Variants in ATG2B observed in about 807,000 individuals in gnomAD.
The protein encoded by ATG2B is autophagy related 2B, also known as autophagy-related protein 2 homolog B.
ATG2B carries 121 observed loss-of-function variants against 241.3 expected under a neutral mutation model. The observed-to-expected ratio is 0.50, with a 90% confidence interval of 0.43 to 0.58. ATG2B has a LOEUF of 0.58. ATG2B is among the 20% of genes least tolerant of loss of function. The pLI, the probability that ATG2B is intolerant of heterozygous loss-of-function variation, is 0.00. For synonymous variants in ATG2B, 858 were observed against 876.6 expected (o/e 0.98, Z 0.37); for missense variants, 2,306 against 2,491.6 (o/e 0.93, Z 1.59).
Position 96,289,479 on chromosome 14 carries a change from C to G in ATG2B, c.6006+177G>C, listed in dbSNP as rs1184953230. The G allele has an allele frequency of 1.5e-6, 1 of 688,766 alleles. No homozygotes were observed. The highest frequency in any genetic ancestry group is 2.4e-6 in the Non-Finnish European group (1 of 413,256). The allele number at this position is 688,766 out of a possible 1,614,324, so 42.7% of individuals were successfully genotyped here. A position where few individuals can be genotyped will look rare whatever the true frequency, so the allele number is the denominator to read the frequency against. ...TAGTATTCCTGTCAGCCTATTGGTC[C>G]CAGACTGGCCCTTTTCCATCACCTC... On this transcript the variant is annotated intron_variant, in intron 41 of 41. Coordinates refer to ENST00000359933, the MANE Select transcript of ATG2B (RefSeq NM_018036.7). This position sits in a 1 kb window ranked among gnomAD's most constrained non-coding sequence, Gnocchi z 4.3.
At chr14:96,301,849 C>A (rs1159761517) in intron 34 of ATG2B, among the ~76,000 whole-genome samples, 158 bp downstream of exon 34, 1 of 152,136 alleles carries the variant, frequency 6.6e-6, no homozygotes, top group Non-Finnish European at 1.5e-5. Context: ...AGTTCAGATT[C>A]CAAACATCTA....
chr14:96,325,814 T>C lies in ATG2B; in HGVS notation c.2272A>G (p.Ile758Val), dbSNP rs1394202421. Residue 758 changes from isoleucine to valine, a missense_variant, in exon 15 of 42, where the codon ATA becomes GTA. Ile to Val is a conservative substitution (Grantham distance 29). Around this residue, in one of 2 missense-constraint regions of ATG2B, gnomAD observed 1,927 missense variants for 2,011.2 expected, o/e 0.96. Transcript: ENST00000359933. The part of the protein sequence containing the change: ...PALNLSVRFP[I>V]PDLRSDQERG... Reference sequence around the variant, plus strand: ...TCTTGATCAGATCGAAGATCAGGTATTGGGAAGCGAACAGAAAGGTTTAAT... The same window carrying C: ...TCTTGATCAGATCGAAGATCAGGTACTGGGAAGCGAACAGAAAGGTTTAAT... 1 of 1,614,046 alleles carries C rather than the reference T, an allele frequency of 6.2e-7. No individual in the cohort carries two copies.
intron 1 of ATG2B, among the ~76,000 whole-genome samples, chr14:96,350,215 T>C (rs866268574): frequency 6.6e-6 from 1 of 152,002 alleles, no homozygotes; most frequent in Admixed American, 6.6e-5. Flanking sequence ...AGGAGAGAAA[T>C]GTTTGGGAAC....
In ATG2B at chr14:96,323,922, T is replaced by C. The variant is rs1223024298; in HGVS notation, c.2514A>G (p.Thr838=). The change falls in exon 16 of 42, where the codon ACA becomes ACG. Residue 838 remains threonine, a synonymous_variant. Transcript: ENST00000359933. ...GTGGCCAGTCAAAGTCATCTGACGA[T>C]GTTGTATCTCCATCTACTCCACTAG... The part of the protein sequence containing the change: ...HVSSGVDGDT[T]SSDDFDWPRI... The C allele has an allele frequency of 1.9e-6, 3 of 1,611,666 alleles. No homozygotes were observed. Among genetic ancestry groups the C allele is most frequent in the Middle Eastern group, 1.7e-4 (1 of 6,048 alleles).
rs1886587593 is a variant in ATG2B at position 96,294,903 on chromosome 14, G to A, written c.5426+57C>T. On this transcript the variant is annotated intron_variant, in intron 36 of 41. Transcript: ENST00000359933. ...TGATTACCAGCACACATACATCACA[G>A]AACAATCTTCAAAAGTCTAAAATAA... is the stretch of plus-strand genomic sequence containing the variant. The A allele has an allele frequency of 4.0e-6, 6 of 1,513,120 alleles. No homozygotes were observed. The East Asian group carries it at 1.4e-4, about 35-fold the overall frequency. The allele number at this position is 1,513,120 out of a possible 1,614,324, so 93.7% of individuals were successfully genotyped here.
intron 11 of ATG2B, among the ~76,000 whole-genome samples, chr14:96,331,053 T>C (rs1887717510): frequency 2.6e-5 from 4 of 152,222 alleles, no homozygotes; most frequent in Admixed American, 1.3e-4. Flanking sequence ...TTTTCACGAC[T>C]GCAGTGGTGT....
At position 96,315,483 on chromosome 14, in the gene ATG2B, G is replaced by C; in HGVS notation, c.3462C>G (p.Gly1154=). 1.9e-6 allele frequency: 3 copies of C among 1,613,956 alleles called. No homozygotes were observed. Among genetic ancestry groups the C allele is most frequent in the East Asian group, 4.5e-5 (2 of 44,876 alleles). The change falls in exon 22 of 42, where the codon GGC becomes GGG. Residue 1154 remains glycine, a synonymous_variant. Coordinates refer to ENST00000359933, the MANE Select transcript of ATG2B (RefSeq NM_018036.7). ...CTCCATCTGAAGAAGTTTTACTGAGGCCATCTTCTTCAGAGGAATAAATAG... is the reference window on the plus strand; with the variant it reads ...CTCCATCTGAAGAAGTTTTACTGAGCCCATCTTCTTCAGAGGAATAAATAG... ...EPTIYSSEED[G]LSKTSSDGVG... is the part of the protein sequence containing the mutation.
At chr14:96,294,852 T>C (rs889470728) in intron 36 of ATG2B, 108 bp downstream of exon 36, 1 of 934,320 alleles carries the variant, frequency 1.1e-6, no homozygotes, top group African/African-American at 1.7e-5. Context: ...GATTTGGCAG[T>C]GCAAAGAAAA....
chr14:96,337,484 G>A lies in ATG2B; in HGVS notation c.925-2983C>T, dbSNP rs147436576. On this transcript the variant is annotated intron_variant, in intron 6 of 41. Coordinates refer to ENST00000359933, the MANE Select transcript of ATG2B (RefSeq NM_018036.7). ...GAAGGAGAACCCTCATATGCTTTTG[G>A]TGGGAATGCAGATTAGTACAACCAC... 4.4e-3 allele frequency among the ~76,000 whole-genome samples: 673 copies of A among 152,224 alleles called. 26 individuals carry two copies. The South Asian group carries it at 0.067, about 15-fold the overall frequency.
At chr14:96,361,275 C>T (rs990318822) in intron 1 of ATG2B, among the ~76,000 whole-genome samples, 1 of 152,152 alleles carries the variant, frequency 6.6e-6, no homozygotes, top group Non-Finnish European at 1.5e-5. Flanking sequence ...TAGTACAATG[C>T]CTGACATAAA....
At position 96,331,593 on chromosome 14, in the gene ATG2B, G is replaced by T; in HGVS notation, c.1513C>A (p.Leu505Ile). 1 of 1,613,846 alleles carries T rather than the reference G, an allele frequency of 6.2e-7. No homozygotes were observed. Among genetic ancestry groups the T allele is most frequent in the Non-Finnish European group, 8.5e-7 (1 of 1,179,862 alleles). Residue 505 changes from leucine to isoleucine, a missense_variant, in exon 11 of 42, where the codon CTT (leucine) becomes ATT (isoleucine). Physicochemically the swap from Leu to Ile is conservative, Grantham distance 5. This residue lies in a region of ATG2B where 1,927 missense variants were observed against 2,011.2 expected (regional missense o/e 0.96). Transcript: ENST00000359933. ...SVSVDESRPE[L>I]IFRLAVGTFS... ...GTTCCCACAGCTAGTCTAAAAATAA[G>T]TTCAGGCCTTGATTCATCCACTGAA...
In ATG2B at chr14:96,306,887, C is replaced by G; in HGVS notation, c.4333G>C (p.Glu1445Gln). The change falls in exon 30 of 42, where the codon GAG becomes CAG. Residue 1445 changes from glutamate to glutamine, a missense_variant. Physicochemically the swap from Glu to Gln is conservative, Grantham distance 29 (BLOSUM62 2). Transcript: ENST00000359933. ...AGGAAGAGGTCTGAACAACATGGCT[C>G]CTGAATTTGAGATTTTTCATCCAAA... ...GVLDEKSQIQ[E>Q]PCCSDLFLFP... 8 of 1,613,168 alleles carry G rather than the reference C, an allele frequency of 5.0e-6. No individual in the cohort carries two copies. The highest frequency in any genetic ancestry group is 5.9e-6 in the Non-Finnish European group (7 of 1,179,806).
At chr14:96,295,234 CTT>C in intron 35 of ATG2B, 67 bp from the exon 36 acceptor site, 2 of 1,337,342 alleles carry the variant, frequency 1.5e-6, no homozygotes, top group Non-Finnish European at 2.1e-6. Flanking sequence ...TTAAATCAAT[CTT>C]GATCTAATTT....
intron 17 of ATG2B, 30 bp downstream of exon 17, chr14:96,322,510 T>C: frequency 6.3e-7 from 1 of 1,581,230 alleles, no homozygotes; most frequent in Non-Finnish European, 8.6e-7. Flanking sequence ...ATAATAGTAT[T>C]ATTCCTTTGT....
At chr14:96,345,125 T>G in intron 3 of ATG2B, 108 bp downstream of exon 3, 1 of 797,606 alleles carries the variant, frequency 1.3e-6, no homozygotes, top group Non-Finnish European at 1.9e-6. Flanking sequence ...ACAGTAATTC[T>G]TTTAAAAATC....
chr14:96,300,786 A>C (rs1309994186), intron 34 of ATG2B, among the ~76,000 whole-genome samples: 1 of 152,360 alleles, frequency 6.6e-6, no homozygotes, highest in East Asian at 1.9e-4. Flanking sequence ...GGCTATAAGC[A>C]TTAATGTAGA....
chr14:96,327,373 C>A, intron 14 of ATG2B, among the ~76,000 whole-genome samples: 1 of 152,096 alleles, frequency 6.6e-6, no homozygotes, highest in Admixed American at 6.5e-5. Flanking sequence ...TCCATCTGAT[C>A]CTGGTCCTCT....
intron 6 of ATG2B, among the ~76,000 whole-genome samples, chr14:96,337,046 T>C (rs554746424): frequency 1.3e-5 from 2 of 152,338 alleles, no homozygotes; most frequent in South Asian, 4.1e-4. Flanking sequence ...AATCATTTTA[T>C]GTATATTGAC....
chr14:96,341,392 C>T, intron 6 of ATG2B, 130 bp downstream of exon 6: 1 of 631,928 alleles, frequency 1.6e-6, no homozygotes, highest in East Asian at 3.1e-5. Context: ...AGTAAAAATG[C>T]TAACTCGGTG....
Sources: allele counts gnomAD v4.1 joint callset (sites outside exome capture counted in the v4.1 genomes callset), GRCh38; gene constraint gnomAD v4.1.1; regional missense constraint gnomAD v4.1.1; non-coding constraint Gnocchi (gnomAD v3.1); transcripts MANE v1.5; gene names NCBI Gene and HGNC (gene_info 2026-07-23, HGNC 2026-07-21).